Variants in SYBU observed in about 807,000 individuals in gnomAD.
SYBU encodes the protein GOLSYN A protein.
A neutral mutation model predicts 35.9 loss-of-function variants in SYBU; 21 were observed. The ratio of observed to expected loss-of-function variants is 0.58; its 90% confidence interval spans 0.41 to 0.84. SYBU has a LOEUF of 0.84. SYBU is among the 40% of genes least tolerant of loss of function. SYBU has a pLI of 0.00. For synonymous variants in SYBU, 319 were observed against 324.3 expected, an observed-to-expected ratio of 0.98 and a Z score of 0.18; for missense variants, 768 against 848.2, an observed-to-expected ratio of 0.91 and a Z score of 1.17.
In SYBU at chr8:109,575,552, G is replaced by A; in HGVS notation, c.1346C>T (p.Thr449Ile). The change falls in exon 7 of 7, where the codon ACC becomes ATC. Residue 449 changes from threonine (T) to isoleucine (I), a missense_variant. Thr to Ile is a moderately conservative substitution (Grantham distance 89). Transcript: ENST00000276646. ...CTCCAGGTCACCAGATTCTGTGGTGGTGGCTGTCACTATCTCATCGAACAA... is the reference window on the plus strand; with the variant it reads ...CTCCAGGTCACCAGATTCTGTGGTGATGGCTGTCACTATCTCATCGAACAA... ...TDLFDEIVTA[T>I]TTESGDLELV... 1 of 1,614,166 alleles carries A rather than the reference G, an allele frequency of 6.2e-7. No individual in the cohort carries two copies. The highest frequency in any genetic ancestry group is 8.5e-7 in the Non-Finnish European group (1 of 1,180,032).
intron 2 of SYBU, among the ~76,000 whole-genome samples, chr8:109,638,662 T>C (rs1298862109): frequency 6.6e-6 from 1 of 152,222 alleles, no homozygotes; most frequent in Non-Finnish European, 1.5e-5. Context: ...TAATGTACAA[T>C]GTTCTACTTG....
intron 4 of SYBU, among the ~76,000 whole-genome samples, chr8:109,581,354 C>A (rs141074242): frequency 1.2e-4 from 18 of 152,202 alleles, no homozygotes; most frequent in East Asian, 3.9e-4. Flanking sequence ...ACACACACAC[C>A]CACCCCTTTC....
intron 1 of SYBU, among the ~76,000 whole-genome samples, chr8:109,686,049 C>T (rs750767403): frequency 1.3e-5 from 2 of 152,094 alleles, no homozygotes; most frequent in African/African-American, 2.4e-5. Context: ...GTAATGTCTG[C>T]AAATTCTATT....
At chr8:109,578,155 G>A (rs368124521) in intron 5 of SYBU, 138 bp from the exon 6 acceptor site, 9 of 926,144 alleles carry the variant, frequency 9.7e-6, no homozygotes, top group East Asian at 5.1e-5. Flanking sequence ...CCAATATGAC[G>A]GTATTAGGTG....
intron 1 of SYBU, among the ~76,000 whole-genome samples, chr8:109,656,803 T>G (rs1816373052): frequency 6.6e-6 from 1 of 152,162 alleles, no homozygotes; most frequent in Non-Finnish European, 1.5e-5. Context: ...AAGCAATGTT[T>G]GAACTGCTAT....
chr8:109,599,404 C>A lies in SYBU; in HGVS notation c.428-13242G>T, dbSNP rs530055448. Among the ~76,000 whole-genome samples the A allele has an allele frequency of 1.1e-4, 17 of 152,292 alleles. No individual in the cohort carries two copies. The South Asian group carries it at 3.5e-3, about 32-fold the overall frequency. On this transcript the variant is annotated intron_variant, in intron 3 of 6. Transcript: ENST00000276646. ...GACCACCTGCATCAGTATCACCTGGCCTCTTTGTTAAAAATACAGATTCTT... is the reference window on the plus strand; with the variant it reads ...GACCACCTGCATCAGTATCACCTGGACTCTTTGTTAAAAATACAGATTCTT...
At chr8:109,669,203 GTGGTGGCAGGCACC>G (rs1015143939) in intron 1 of SYBU, among the ~76,000 whole-genome samples, 4 of 151,884 alleles carry the variant, frequency 2.6e-5, no homozygotes, top group African/African-American at 9.7e-5. Context: ...TTAGCTGGGC[GTGGTGGCAGGCACC>G]TGTAGTCCCA....
At chr8:109,670,239 T>A (rs981709607) in intron 1 of SYBU, among the ~76,000 whole-genome samples, 1 of 150,868 alleles carries the variant, frequency 6.6e-6, no homozygotes, top group Admixed American at 6.6e-5. Flanking sequence ...CTTTAAAACT[T>A]TTTTTAAATT....
chr8:109,678,134 C>CAAA (rs758399888), intron 1 of SYBU, among the ~76,000 whole-genome samples: 560 of 42,770 alleles, frequency 0.013, 4 homozygotes, highest in Middle Eastern at 0.06. Context: ...AACTCCACCT[C>CAAA]AAAAAAAAAA....
chr8:109,596,181 G>A (rs541609698), intron 3 of SYBU, among the ~76,000 whole-genome samples: 7 of 152,254 alleles, frequency 4.6e-5, no homozygotes, highest in East Asian at 1.9e-4. Context: ...TTTTCTATAC[G>A]TGAATGACAT....
At chr8:109,660,566 T>C (rs921317312) in intron 1 of SYBU, among the ~76,000 whole-genome samples, 1 of 152,206 alleles carries the variant, frequency 6.6e-6, no homozygotes. Flanking sequence ...GGGAAACCTT[T>C]AATTCAGGCT....
rs187657961 is a variant in SYBU, at chr8:109,593,693, A to C, written c.428-7531T>G. On this transcript the variant is annotated intron_variant, in intron 3 of 6. Coordinates refer to ENST00000276646, the MANE Select transcript of SYBU (RefSeq NM_001099754.2). Reference sequence around the variant, plus strand: ...ATCCAGCATACCCTGCACTGGGGTTATTCCATCAGTGCCAACCTGAATTTT... The same window carrying C: ...ATCCAGCATACCCTGCACTGGGGTTCTTCCATCAGTGCCAACCTGAATTTT... Among the ~76,000 whole-genome samples the C allele has an allele frequency of 5.3e-4, 80 of 152,346 alleles. 2 individuals carry two copies. The highest frequency in any genetic ancestry group is 4.9e-3 in the Admixed American group (75 of 15,306).
chr8:109,607,495 C>T lies in SYBU; in HGVS notation c.427+11347G>A, dbSNP rs147271228. On this transcript the variant is annotated intron_variant, in intron 3 of 6. Transcript: ENST00000276646. Reference sequence around the variant, plus strand: ...TCAAACTATGTGCAGTGCCAATTAGCGTTAATTGTGGCTGTGTTCATCTAT... The same window carrying T: ...TCAAACTATGTGCAGTGCCAATTAGTGTTAATTGTGGCTGTGTTCATCTAT... Among the ~76,000 whole-genome samples the T allele has an allele frequency of 7.2e-5, 11 of 152,202 alleles. No homozygotes were observed. The East Asian group carries it at 1.2e-3, about 16-fold the overall frequency.
At chr8:109,685,141 C>T (rs532357847), upstream of SYBU, among the ~76,000 whole-genome samples, 2 of 152,080 alleles carry the variant, frequency 1.3e-5, no homozygotes, top group African/African-American at 4.8e-5. Context: ...TCTTAACTTT[C>T]GTCATTTGTA....
At chr8:109,624,876 G>A (rs568142405) in intron 2 of SYBU, among the ~76,000 whole-genome samples, 1 of 152,138 alleles carries the variant, frequency 6.6e-6, no homozygotes, top group Non-Finnish European at 1.5e-5. Context: ...TATTGTCTAT[G>A]GTGGCTTTCA....
chr8:109,666,845 T>C (rs1356786818), intron 1 of SYBU, among the ~76,000 whole-genome samples: 1 of 152,188 alleles, frequency 6.6e-6, no homozygotes, highest in Non-Finnish European at 1.5e-5. Flanking sequence ...CATTTATTTT[T>C]TAAAAGAACT....
In SYBU at chr8:109,687,020, T is replaced by C. The variant is rs201081998; in HGVS notation, c.-58+4313A>G. On this transcript the variant is annotated intron_variant, in intron 1 of 7. Transcript: ENST00000422135. ...TTATGATAATAAATACCACTACTAT[T>C]AATGCAAAAAACGGAAAAATCTAAG... 2.1e-4 allele frequency among the ~76,000 whole-genome samples: 32 copies of C among 152,304 alleles called. No individual in the cohort carries two copies. In the East Asian group the frequency reaches 6.0e-3, roughly 28 times the overall value.
At chr8:109,643,147 GCA>G (rs35325438) in intron 1 of SYBU, 191,079 of 977,840 alleles carry the variant, frequency 0.2, 5,071 homozygotes, top group South Asian at 0.26. Context: ...TGTCTGTGTG[GCA>G]CACACACACA....
At chr8:109,640,747 T>G (rs1338593775) in intron 2 of SYBU, among the ~76,000 whole-genome samples, 1 of 148,390 alleles carries the variant, frequency 6.7e-6, no homozygotes, top group Non-Finnish European at 1.5e-5. Flanking sequence ...AACATAATAT[T>G]TTGATAGGGT....
Sources: gnomAD v4.1 joint callset for allele counts (sites outside exome capture counted in the v4.1 genomes callset) on GRCh38, gnomAD v4.1.1 for gene constraint, MANE v1.5 for transcripts, NCBI Gene and HGNC (gene_info 2026-07-23, HGNC 2026-07-21) for gene names.